The following KAT6B variants were observed in gnomAD, a reference collection of about 807,000 sequenced individuals.
KAT6B encodes histone acetyltransferase KAT6B.
KAT6B carries 10 observed loss-of-function variants against 187.5 expected under a neutral mutation model. The observed-to-expected ratio is 0.05, with a 90% CI of 0.03 to 0.09. The LOEUF is 0.09. Among genes scored for constraint, KAT6B ranks in the 10% least tolerant of loss-of-function variants. The pLI is 1.00. For synonymous variants in KAT6B, 861 were observed against 926.8 expected, an observed-to-expected ratio of 0.93 and a Z score of 1.29; for missense variants, 1,952 against 2,558.9, an observed-to-expected ratio of 0.76 and a Z score of 5.12.
At chr10:74,965,530 C>G (rs2133589534) in intron 4 of KAT6B, among the ~76,000 whole-genome samples, 1 of 152,242 alleles carries the variant, frequency 6.6e-6, no homozygotes, top group South Asian at 2.1e-4. Context: ...GGTAGCCAGT[C>G]TGAGGGGCTT....
chr10:74,907,636 T>C (rs549756912), intron 3 of KAT6B, among the ~76,000 whole-genome samples: 1 of 152,224 alleles, frequency 6.6e-6, no homozygotes, highest in East Asian at 1.9e-4. Flanking sequence ...TTCAAGCAAT[T>C]CTCCTACCTC....
At chr10:74,942,547 C>G (rs1032762712) in intron 3 of KAT6B, among the ~76,000 whole-genome samples, 1 of 151,974 alleles carries the variant, frequency 6.6e-6, no homozygotes, top group Non-Finnish European at 1.5e-5. Flanking sequence ...AAGCAGATCA[C>G]CTGAGGTCAG....
chr10:74,952,253 G>A (rs1223192026), intron 3 of KAT6B, among the ~76,000 whole-genome samples: 3 of 144,144 alleles, frequency 2.1e-5, no homozygotes, highest in African/African-American at 5.2e-5. Flanking sequence ...TACTTGGGAG[G>A]CTGAGGCGGG....
rs963355686 is a variant in KAT6B at position 74,835,518 on chromosome 10, C to T, written c.-328-3165C>T. 7.2e-5 allele frequency among the ~76,000 whole-genome samples: 11 copies of T among 152,124 alleles called. No homozygotes were observed. The East Asian group carries it at 1.2e-3, about 16-fold the overall frequency. ...CACAAGGGGTACCTGAAGGTAATAC[C>T]CGAAGTAACTCCTTGTCACAGAGAT... is the stretch of plus-strand genomic sequence containing the variant. On this transcript the variant is annotated intron_variant, in intron 1 of 17. Transcript: ENST00000287239.
intron 1 of KAT6B, among the ~76,000 whole-genome samples, chr10:74,832,405 C>T (rs566578808): frequency 6.6e-6 from 1 of 152,044 alleles, no homozygotes; most frequent in South Asian, 2.1e-4. Flanking sequence ...TGAAAGGATC[C>T]CTTGAGCCCT....
At chr10:74,955,616 C>T (rs1346132720) in intron 3 of KAT6B, among the ~76,000 whole-genome samples, 1 of 151,816 alleles carries the variant, frequency 6.6e-6, no homozygotes, top group African/African-American at 2.4e-5. Context: ...AGTTACTCTC[C>T]AATCATAACA....
At chr10:74,903,364 C>T (rs1335055613) in intron 3 of KAT6B, among the ~76,000 whole-genome samples, 1 of 152,192 alleles carries the variant, frequency 6.6e-6, no homozygotes. Flanking sequence ...CTGATCTAAT[C>T]ACACAAGCCC....
At chr10:74,919,249 T>C (rs900276376) in intron 3 of KAT6B, among the ~76,000 whole-genome samples, 28 of 152,138 alleles carry the variant, frequency 1.8e-4, no homozygotes, top group African/African-American at 5.5e-4. Flanking sequence ...TATATTTTTT[T>C]CCTCTGGTTC....
chr10:74,963,282 A>C (rs1841229852), intron 4 of KAT6B, among the ~76,000 whole-genome samples: 1 of 152,254 alleles, frequency 6.6e-6, no homozygotes, highest in African/African-American at 2.4e-5. Flanking sequence ...ATCTTTAATT[A>C]GCTTCACATA....
chr10:75,021,392 A>G, intron 15 of KAT6B, 107 bp downstream of exon 15: 3 of 1,071,368 alleles, frequency 2.8e-6, no homozygotes, highest in Non-Finnish European at 4.2e-6. Flanking sequence ...ATGTAGAGAT[A>G]GCATGTGAAA....
intron 1 of KAT6B, among the ~76,000 whole-genome samples, chr10:74,828,498 A>G (rs1840447977): frequency 6.8e-6 from 1 of 147,550 alleles, no homozygotes; most frequent in African/African-American, 2.5e-5. Flanking sequence ...TCTTACTTGT[A>G]TACCCTAGAT....
At chr10:74,901,395 TC>T (rs1409693715) in intron 3 of KAT6B, among the ~76,000 whole-genome samples, 1 of 152,246 alleles carries the variant, frequency 6.6e-6, no homozygotes, top group Non-Finnish European at 1.5e-5. Context: ...ACTGCAGGCC[TC>T]TGAAGCATTG....
chr10:74,846,651 A>G (rs968446378), intron 3 of KAT6B, among the ~76,000 whole-genome samples: 5 of 152,066 alleles, frequency 3.3e-5, no homozygotes, highest in Admixed American at 3.3e-4. Flanking sequence ...GTTGGCCAGG[A>G]TGGCCTCAAT....
At chr10:74,934,800 G>A (rs1647281661) in intron 3 of KAT6B, among the ~76,000 whole-genome samples, 1 of 152,174 alleles carries the variant, frequency 6.6e-6, no homozygotes, top group Non-Finnish European at 1.5e-5. Context: ...GAGAGTTGCT[G>A]ATGGGCTCTT....
chr10:74,998,141 A>G (rs1474664788), intron 13 of KAT6B, among the ~76,000 whole-genome samples: 1 of 151,936 alleles, frequency 6.6e-6, no homozygotes, highest in Non-Finnish European at 1.5e-5. Flanking sequence ...AAAAATAGAG[A>G]CAGGGTCTTG....
intron 3 of KAT6B, among the ~76,000 whole-genome samples, chr10:74,905,463 G>A (rs2132826551): frequency 6.6e-6 from 1 of 152,296 alleles, no homozygotes; most frequent in East Asian, 1.9e-4. Context: ...TTGCCTCTCA[G>A]CTGAACCCAA....
At chr10:74,958,251 C>T (rs1840828595) in intron 3 of KAT6B, among the ~76,000 whole-genome samples, 1 of 152,102 alleles carries the variant, frequency 6.6e-6, no homozygotes, top group South Asian at 2.1e-4. Flanking sequence ...ATTCAGTTAG[C>T]AGATATATTT....
intron 3 of KAT6B, among the ~76,000 whole-genome samples, chr10:74,927,327 C>T (rs1848578085): frequency 6.6e-6 from 1 of 152,072 alleles, no homozygotes; most frequent in South Asian, 2.1e-4. Flanking sequence ...ATTGGGGCCT[C>T]ACTGTTTCTG....
At chr10:74,873,797 C>G (rs781561271) in intron 3 of KAT6B, among the ~76,000 whole-genome samples, 10 of 152,150 alleles carry the variant, frequency 6.6e-5, no homozygotes, top group Non-Finnish European at 1.3e-4. Flanking sequence ...TATTCCCTCT[C>G]TCTTTTCCTC....
Sources: allele counts gnomAD v4.1 joint callset (sites outside exome capture counted in the v4.1 genomes callset), GRCh38; gene constraint gnomAD v4.1.1; transcripts MANE v1.5; gene names NCBI Gene and HGNC (gene_info 2026-07-23, HGNC 2026-07-21).